FMN1: variants seen among roughly 807,000 people sequenced by gnomAD.
FMN1 encodes the protein formin 1.
FMN1 carries 110 observed loss-of-function variants against 132.4 expected under a neutral mutation model. The ratio of observed to expected loss-of-function variants is 0.83; its 90% CI spans 0.71 to 0.97. FMN1 has a LOEUF of 0.97. FMN1 is among the 50% of genes least tolerant of loss of function. The pLI is 0.00. For synonymous variants in FMN1, 722 were observed against 651.7 expected (o/e 1.11, Z -1.64); for missense variants, 1,792 against 1,705.3 (o/e 1.05, Z -0.90).
intron 9 of FMN1, among the ~76,000 whole-genome samples, chr15:32,941,583 T>C (rs896742198): frequency 1.3e-5 from 2 of 152,090 alleles, no homozygotes; most frequent in African/African-American, 4.8e-5. Context: ...TATGATCCCT[T>C]ATCATACTCA....
At chr15:33,110,255 C>T (rs142548570) in intron 4 of FMN1, among the ~76,000 whole-genome samples, 182 of 152,066 alleles carry the variant, frequency 1.2e-3, no homozygotes, top group Non-Finnish European at 1.9e-3. Context: ...GTAAATAATA[C>T]ATAGATGGTC....
chr15:33,187,655 A>G (rs1430531114), intron 2 of FMN1, among the ~76,000 whole-genome samples: 2 of 152,238 alleles, frequency 1.3e-5, no homozygotes, highest in African/African-American at 2.4e-5. Flanking sequence ...ACTGGGTGCT[A>G]CAGAGTAACC....
intron 9 of FMN1, among the ~76,000 whole-genome samples, chr15:32,944,090 T>C (rs2061454478): frequency 6.6e-6 from 1 of 152,182 alleles, no homozygotes; most frequent in Admixed American, 6.5e-5. Context: ...TCCCAGCCAG[T>C]GCCAGAAGGG....
intron 6 of FMN1, among the ~76,000 whole-genome samples, chr15:33,021,657 A>G (rs957055013): frequency 6.6e-6 from 1 of 152,178 alleles, no homozygotes; most frequent in African/African-American, 2.4e-5. Flanking sequence ...GTATGTATTC[A>G]AGGCCTGAGA....
intron 7 of FMN1, among the ~76,000 whole-genome samples, chr15:32,981,546 T>TAATAATA (rs1566788209): frequency 1.0e-3 from 129 of 125,744 alleles, no homozygotes; most frequent in African/African-American, 3.8e-3. Context: ...TAATAATAAT[T>TAATAATA]ATTATTATTA....
At chr15:33,093,484 A>C (rs982214669) in intron 4 of FMN1, among the ~76,000 whole-genome samples, 2 of 152,230 alleles carry the variant, frequency 1.3e-5, no homozygotes, top group Non-Finnish European at 2.9e-5. Flanking sequence ...GTATCTAAGA[A>C]GACAGAGCTG....
intron 19 of FMN1, among the ~76,000 whole-genome samples, chr15:32,793,372 C>G (rs901305107): frequency 1.3e-5 from 2 of 152,134 alleles, no homozygotes; most frequent in Middle Eastern, 3.4e-3. Flanking sequence ...CTTCGCCTCC[C>G]AGGCTTAAGT....
At chr15:33,096,257 C>CA in intron 4 of FMN1, among the ~76,000 whole-genome samples, 1 of 152,330 alleles carries the variant, frequency 6.6e-6, no homozygotes, top group South Asian at 2.1e-4. Flanking sequence ...AGCTCCATCC[C>CA]AGGTGTTTGG....
At position 32,969,183 on chromosome 15, in the gene FMN1, G is replaced by C; in HGVS notation, c.2518C>G (p.Gln840Glu). 6.2e-7 allele frequency: 1 copy of C among 1,613,934 alleles called. No homozygotes were observed. Among genetic ancestry groups the C allele is most frequent in the South Asian group, 1.1e-5 (1 of 91,074 alleles). ...PKKLNISSLS[Q>E]LSPPNDHKDI... Reference sequence around the variant, plus strand: ...TTGTGGTCATTTGGGGGTGAGAGCTGGCTTAAAGAGGAGATATTCAGCTTT... The same window carrying C: ...TTGTGGTCATTTGGGGGTGAGAGCTCGCTTAAAGAGGAGATATTCAGCTTT... The change falls in exon 8 of 21, where the codon CAG becomes GAG. Residue 840 changes from glutamine (Q) to glutamate (E), a missense_variant. By Grantham distance (29) the Gln-to-Glu change is conservative (BLOSUM62 2). This residue lies in a region of FMN1 where 1,150 missense variants were observed against 1,043.1 expected (regional missense o/e 1.10). Coordinates refer to ENST00000616417, the MANE Select transcript of FMN1 (RefSeq NM_001277313.2).
intron 3 of FMN1, among the ~76,000 whole-genome samples, chr15:33,159,832 G>T (rs1016012387): frequency 6.6e-6 from 1 of 152,220 alleles, no homozygotes; most frequent in African/African-American, 2.4e-5. Context: ...AAGTTTTCTT[G>T]TTGGCACCTA....
chr15:33,171,949 C>T (rs1402751520), intron 3 of FMN1, among the ~76,000 whole-genome samples: 2 of 152,192 alleles, frequency 1.3e-5, no homozygotes, highest in Non-Finnish European at 2.9e-5. Flanking sequence ...GTGGCTCACG[C>T]CTGTAATCCC....
chr15:33,187,165 A>C (rs1256285582), intron 2 of FMN1, among the ~76,000 whole-genome samples: 1 of 152,228 alleles, frequency 6.6e-6, no homozygotes, highest in Non-Finnish European at 1.5e-5. Context: ...ATCTATGTTT[A>C]CTTTTATTTC....
At chr15:32,956,337 A>C (rs1412903545) in intron 9 of FMN1, among the ~76,000 whole-genome samples, 1 of 151,570 alleles carries the variant, frequency 6.6e-6, no homozygotes, top group Non-Finnish European at 1.5e-5. Flanking sequence ...ATTGATATTC[A>C]TATTTGACAA....
At chr15:33,128,754 A>C (rs1237421192) in intron 4 of FMN1, among the ~76,000 whole-genome samples, 1 of 152,216 alleles carries the variant, frequency 6.6e-6, no homozygotes, top group Non-Finnish European at 1.5e-5. Flanking sequence ...TGAATTTTAA[A>C]GCCCTTAAAA....
chr15:32,810,028 T>C (rs927287540), intron 17 of FMN1, among the ~76,000 whole-genome samples: 29 of 152,126 alleles, frequency 1.9e-4, no homozygotes, highest in Admixed American at 1.8e-3. Context: ...CAAGTGATTC[T>C]CCAGCCTCAG....
At chr15:32,855,892 A>C (rs1459544988) in intron 17 of FMN1, among the ~76,000 whole-genome samples, 1 of 152,200 alleles carries the variant, frequency 6.6e-6, no homozygotes, top group African/African-American at 2.4e-5. Flanking sequence ...CACATAGCAC[A>C]CAAGTATTGG....
rs1255330502 is a variant in FMN1 at position 32,910,552 on chromosome 15, A to T, written c.3227-17T>A. On this transcript the variant is annotated splice_polypyrimidine_tract_variant and intron_variant, in intron 10 of 20. Transcript: ENST00000616417. ...TGAAAATGGCTGCCAAGCACCCAAA[A>T]AGAAAAGAGGATAAGGGATTTGATT... 4 of 1,555,916 alleles carry T rather than the reference A, an allele frequency of 2.6e-6. No individual in the cohort carries two copies. In the South Asian group the frequency reaches 4.7e-5, roughly 18 times the overall value.
chr15:32,934,459 CTA>C, intron 9 of FMN1, among the ~76,000 whole-genome samples: 1 of 152,168 alleles, frequency 6.6e-6, no homozygotes, highest in East Asian at 1.9e-4. Context: ...TTTTGTGTTG[CTA>C]TGTCATGCCC....
chr15:33,022,106 C>T (rs916578778), intron 6 of FMN1, among the ~76,000 whole-genome samples: 16 of 152,196 alleles, frequency 1.1e-4, no homozygotes, highest in African/African-American at 3.9e-4. Context: ...ATAACCTATG[C>T]ATATCCTACT....
Sources: allele counts gnomAD v4.1 joint callset (sites outside exome capture counted in the v4.1 genomes callset), GRCh38; gene constraint gnomAD v4.1.1; regional missense constraint gnomAD v4.1.1; transcripts MANE v1.5; gene names NCBI Gene and HGNC (gene_info 2026-07-23, HGNC 2026-07-21).